Variants in SCYL3 observed in about 807,000 individuals in gnomAD.
The protein encoded by SCYL3 is SCY1 like pseudokinase 3.
A neutral mutation model predicts 73.8 loss-of-function variants in SCYL3; 35 were observed. That is an observed-to-expected ratio of 0.47 (90% confidence interval 0.36 to 0.63). The LOEUF (loss-of-function observed/expected upper bound fraction) is 0.63. Ranked by LOEUF, SCYL3 falls within the 20% of genes least tolerant of loss-of-function variation. The pLI is 0.00. For synonymous variants in SCYL3, 277 were observed against 295.2 expected (o/e 0.94, Z 0.63); for missense variants, 712 against 798.9 (o/e 0.89, Z 1.31).
chr1:169,870,401 A>G (rs1463086241), intron 5 of SCYL3, 44 bp from the exon 6 acceptor site: 1 of 1,362,650 alleles, frequency 7.3e-7, no homozygotes, highest in East Asian at 2.3e-5. Flanking sequence ...TCTGCCTTAT[A>G]AGCCATTTCT....
At chr1:169,886,177 G>A (rs992878128) in intron 2 of SCYL3, among the ~76,000 whole-genome samples, 7 of 152,100 alleles carry the variant, frequency 4.6e-5, no homozygotes, top group Admixed American at 2.6e-4. Flanking sequence ...TGGGTGTGTC[G>A]GCGCGTGCCT....
At position 169,853,470 on chromosome 1, in the gene SCYL3, TCA is replaced by T; in HGVS notation, c.*241_*242del. 2.1e-6 allele frequency: 1 copy of T among 471,774 alleles called. No individual in the cohort carries two copies. The highest frequency in any genetic ancestry group is 3.7e-6 in the Non-Finnish European group (1 of 268,556). 29.2% of individuals were successfully genotyped at this position (471,774 alleles called of 1,614,324 possible). On this transcript the variant is annotated 3_prime_UTR_variant, in exon 13 of 13. Coordinates refer to ENST00000367771, the MANE Select transcript of SCYL3 (RefSeq NM_020423.7). Reference sequence around the variant, plus strand: ...TACTTGCTCTTCATAGAAACTGGCCTCAGTCAAATGCACAAAGGCTCTTCCTC... The same window carrying T: ...TACTTGCTCTTCATAGAAACTGGCCTGTCAAATGCACAAAGGCTCTTCCTC...
In SCYL3 at chr1:169,854,656, T is replaced by C. The variant is rs1376605483; in HGVS notation, c.1621A>G (p.Thr541Ala). ...GGGITATKPV[T>A]SGEQKPIPAL... is the part of the protein sequence containing the mutation. ...GGAATAGGCTTCTGCTCCCCTGAGGTAACAGGTTTTGTAGCAGTGATTCCA... is the reference window on the plus strand; with the variant it reads ...GGAATAGGCTTCTGCTCCCCTGAGGCAACAGGTTTTGTAGCAGTGATTCCA... The change falls in exon 12 of 13, where the codon ACC becomes GCC. Residue 541 changes from threonine (T) to alanine (A), a missense_variant. Physicochemically the swap from Thr to Ala is moderately conservative, Grantham distance 58. Around this residue, in one of 2 missense-constraint regions of SCYL3, gnomAD observed 370 missense variants for 350.8 expected, o/e 1.05. Transcript: ENST00000367771. 6.2e-7 allele frequency: 1 copy of C among 1,614,104 alleles called. No individual in the cohort carries two copies. The highest frequency in any genetic ancestry group is 1.1e-5 in the South Asian group (1 of 91,084).
intron 2 of SCYL3, among the ~76,000 whole-genome samples, chr1:169,885,974 G>A (rs1661652342): frequency 6.6e-6 from 1 of 152,144 alleles, no homozygotes; most frequent in Non-Finnish European, 1.5e-5. Context: ...AGCCACGTAA[G>A]AGCACTGGAT....
intron 8 of SCYL3, among the ~76,000 whole-genome samples, chr1:169,864,730 C>T (rs565286539): frequency 4.4e-4 from 67 of 152,148 alleles, no homozygotes; most frequent in African/African-American, 1.5e-3. Flanking sequence ...GCGGCCGCGG[C>T]GGGCAGATCA....
chr1:169,852,064 G>A lies in SCYL3; in HGVS notation c.*1649C>T. On this transcript the variant is annotated 3_prime_UTR_variant, in exon 13 of 13. Transcript: ENST00000367771. ...TTTCAAATCAAATAGATCTAGACAT[G>A]TAAAATTCTGTTTTATGGTAGTTGC... 7.6e-7 allele frequency: 1 copy of A among 1,310,214 alleles called. No homozygotes were observed. The highest frequency in any genetic ancestry group is 1.9e-5 in the Admixed American group (1 of 51,296). 81.2% of individuals were successfully genotyped at this position (1,310,214 alleles called of 1,614,324 possible).
Position 169,852,008 on chromosome 1 carries a change from A to C in SCYL3, c.*1705T>G. 6.2e-7 allele frequency: 1 copy of C among 1,603,918 alleles called. No individual in the cohort carries two copies. The highest frequency in any genetic ancestry group is 8.5e-7 in the Non-Finnish European group (1 of 1,172,626). ...TGCCCTTTTTACTTACTGACGAAACAAACCAGTGTGGTTTCCAGCCTTATG... is the reference window on the plus strand; with the variant it reads ...TGCCCTTTTTACTTACTGACGAAACCAACCAGTGTGGTTTCCAGCCTTATG... On this transcript the variant is annotated 3_prime_UTR_variant, in exon 13 of 13. Coordinates refer to ENST00000367771, the MANE Select transcript of SCYL3 (RefSeq NM_020423.7).
At position 169,864,389 on chromosome 1, in the gene SCYL3, T is replaced by C; in HGVS notation, c.935A>G (p.Tyr312Cys). Residue 312 changes from tyrosine to cysteine, a missense_variant, in exon 9 of 13, where the codon TAT (tyrosine) becomes TGT (cysteine). Tyr to Cys is a radical substitution (Grantham distance 194). This residue lies in a region of SCYL3 where 342 missense variants were observed against 448.1 expected (regional missense o/e 0.76). Coordinates refer to ENST00000367771, the MANE Select transcript of SCYL3 (RefSeq NM_020423.7). ...TTCACCTTTTTTGGGGCCAAGCAGA[T>C]AAGGAAGAAAACTCTTAACAGCCAC... ...EPVAVKSFLP[Y>C]LLGPKKDHAQ... 2 of 1,614,146 alleles carry C rather than the reference T, an allele frequency of 1.2e-6. No homozygotes were observed. Among genetic ancestry groups the C allele is most frequent in the Non-Finnish European group, 1.7e-6 (2 of 1,180,016 alleles).
chr1:169,891,119 T>C (rs1662051038), intron 1 of SCYL3, among the ~76,000 whole-genome samples: 1 of 152,184 alleles, frequency 6.6e-6, no homozygotes, highest in Admixed American at 6.5e-5. Flanking sequence ...CCCCAGGAAT[T>C]TGAACTAAGA....
At chr1:169,873,610 AAGG>A (rs1333557491) in intron 5 of SCYL3, 83 bp downstream of exon 5, 24 of 813,066 alleles carry the variant, frequency 3.0e-5, no homozygotes, top group Non-Finnish European at 3.6e-5. Context: ...TCAGTAAAGA[AAGG>A]AGTAAGCAGA....
rs1184042056 is a variant in SCYL3 at position 169,850,086 on chromosome 1, GTTAATTTTGTATTATCC to G, written c.*3610_*3626del. 1.7e-6 allele frequency: 1 copy of G among 585,052 alleles called. No individual in the cohort carries two copies. The highest frequency in any genetic ancestry group is 3.0e-6 in the Non-Finnish European group (1 of 329,470). The allele number at this position is 585,052 out of a possible 1,614,324, so 36.2% of individuals were successfully genotyped here. On this transcript the variant is annotated 3_prime_UTR_variant, in exon 13 of 13. Coordinates refer to ENST00000367771, the MANE Select transcript of SCYL3 (RefSeq NM_020423.7). ...TAAAGCTTACAACACTTGTACAGAA[GTTAATTTTGTATTATCC>G]TTAGGGACCCTGAAGGAATCATGAG...
rs1307181782 is a variant in SCYL3 at position 169,852,123 on chromosome 1, A to C, written c.*1590T>G. 2.9e-6 allele frequency: 2 copies of C among 699,066 alleles called. No homozygotes were observed. Among genetic ancestry groups the C allele is most frequent in the East Asian group, 2.8e-5 (1 of 36,360 alleles). 43.3% of individuals were successfully genotyped at this position (699,066 alleles called of 1,614,324 possible). A position where few individuals can be genotyped will look rare whatever the true frequency, so the allele number is the denominator to read the frequency against. On this transcript the variant is annotated 3_prime_UTR_variant, in exon 13 of 13. Transcript: ENST00000367771. ...TTAAGAAGTGGGACTACACCATATCAAATATATTCTTTCAGTATGTTTGAA... is the reference window on the plus strand; with the variant it reads ...TTAAGAAGTGGGACTACACCATATCCAATATATTCTTTCAGTATGTTTGAA...
rs542279739 is a variant in SCYL3, at chr1:169,867,884, G to A, written c.738-911C>T. Among the ~76,000 whole-genome samples, 34 of 152,274 alleles carry A rather than the reference G, an allele frequency of 2.2e-4. No individual in the cohort carries two copies. The South Asian group carries it at 4.4e-3, about 19-fold the overall frequency. On this transcript the variant is annotated intron_variant, in intron 7 of 12. Coordinates refer to ENST00000367771, the MANE Select transcript of SCYL3 (RefSeq NM_020423.7). ...AATAACTCATTTTACACAGAGTGAT[G>A]AGAGAATCTATTTACCATAAGGGAT...
intron 5 of SCYL3, 88 bp downstream of exon 5, chr1:169,873,608 G>C: frequency 1.2e-6 from 1 of 803,004 alleles, no homozygotes; most frequent in South Asian, 1.7e-5. Context: ...ACTCAGTAAA[G>C]AAAGGAGTAA....
In SCYL3 at chr1:169,852,586, A is replaced by G; in HGVS notation, c.*1127T>C. On this transcript the variant is annotated 3_prime_UTR_variant, in exon 13 of 13. Transcript: ENST00000367771. ...ACCACATACAAACTAAGACACTGGT[A>G]GTAGCACTCTGAATTGCTATGATAA... The G allele has an allele frequency of 1.7e-6, 1 of 584,044 alleles. No individual in the cohort carries two copies. Among genetic ancestry groups the G allele is most frequent in the Non-Finnish European group, 3.0e-6 (1 of 330,316 alleles). 36.2% of individuals were successfully genotyped at this position (584,044 alleles called of 1,614,324 possible).
In SCYL3 at chr1:169,866,931, T is replaced by A. The variant is rs776908697; in HGVS notation, c.780A>T (p.Thr260=). The A allele has an allele frequency of 1.9e-6, 3 of 1,586,752 alleles. No individual in the cohort carries two copies. Among genetic ancestry groups the A allele is most frequent in the African/African-American group, 1.4e-5 (1 of 73,776 alleles). The change falls in exon 8 of 13, where the codon ACA becomes ACT. Residue 260 remains threonine, a synonymous_variant. Transcript: ENST00000367771. ...CCGTTTTCTCCTCTTCACTCTTCAATGTTAAACTTTTCAAGAAATTCACAA... is the reference window on the plus strand; with the variant it reads ...CCGTTTTCTCCTCTTCACTCTTCAAAGTTAAACTTTTCAAGAAATTCACAA... ...LEVVNFLKSL[T]LKSEEEKTEF... is the part of the protein sequence containing the mutation.
intron 11 of SCYL3, among the ~76,000 whole-genome samples, chr1:169,856,431 G>A (rs1000827800): frequency 1.3e-5 from 2 of 152,168 alleles, no homozygotes; most frequent in African/African-American, 4.8e-5. Context: ...GAAAAAATTA[G>A]TTTCAAGAAA....
At chr1:169,854,242 G>C in intron 12 of SCYL3, 28 bp downstream of exon 12, 1 of 1,521,582 alleles carries the variant, frequency 6.6e-7, no homozygotes, top group Non-Finnish European at 8.9e-7. Context: ...AAAGCTAGTA[G>C]CACAGTTTAC....
At chr1:169,854,999 G>A (rs1332095804) in intron 11 of SCYL3, 35 bp from the exon 12 acceptor site, 6 of 1,450,396 alleles carry the variant, frequency 4.1e-6, no homozygotes, top group Non-Finnish European at 5.6e-6. Context: ...TAAAATACTG[G>A]TTAAAGGTAA....
Sources: gnomAD v4.1 joint callset for allele counts (sites outside exome capture counted in the v4.1 genomes callset) on GRCh38, gnomAD v4.1.1 for gene constraint, gnomAD v4.1.1 regional missense constraint, MANE v1.5 for transcripts, NCBI Gene and HGNC (gene_info 2026-07-23, HGNC 2026-07-21) for gene names.